Variants in PIK3C3 observed in about 807,000 individuals in gnomAD.
PIK3C3 encodes phosphatidylinositol 3-kinase catalytic subunit type 3, also known as PI3-kinase type 3.
A neutral mutation model predicts 126.1 loss-of-function variants in PIK3C3; 95 were observed. The ratio of observed to expected loss-of-function variants is 0.75; its 90% CI spans 0.64 to 0.89. PIK3C3 has a LOEUF of 0.89. Ranked by LOEUF, PIK3C3 falls within the 40% of genes least tolerant of loss-of-function variation. PIK3C3 has a pLI of 0.00. For synonymous variants in PIK3C3, 374 were observed against 360.0 expected (o/e 1.04, Z -0.44); for missense variants, 829 against 1,063.2 (o/e 0.78, Z 3.06).
rs759931756 is a variant in PIK3C3 at position 42,027,506 on chromosome 18, G to A, written c.1548G>A (p.Met516Ile). Residue 516 changes from methionine (M) to isoleucine (I), a missense_variant, in exon 14 of 25, where the codon ATG becomes ATA. Transcript: ENST00000262039. The stretch of plus-strand genomic sequence containing the variant: ...AGAGAGATCCAAAGACCCATGAGAT[G>A]TACTTGAACGTAATGAGAAGATTCA... ...TQQRDPKTHE[M>I]YLNVMRRFSQ... 3 of 1,611,974 alleles carry A rather than the reference G, an allele frequency of 1.9e-6. No individual in the cohort carries two copies. Among genetic ancestry groups the A allele is most frequent in the Non-Finnish European group, 1.7e-6 (2 of 1,178,364 alleles).
intron 9 of PIK3C3, among the ~76,000 whole-genome samples, chr18:42,002,151 C>T (rs969720900): frequency 3.9e-5 from 6 of 152,034 alleles, no homozygotes; most frequent in African/African-American, 9.7e-5. Flanking sequence ...TGAAAGTTGC[C>T]GAAAACTTCC....
Position 41,987,818 on chromosome 18 carries a change from A to C in PIK3C3, c.538A>C (p.Lys180Gln). 1.9e-6 allele frequency: 3 copies of C among 1,605,138 alleles called. No homozygotes were observed. The highest frequency in any genetic ancestry group is 2.6e-6 in the Non-Finnish European group (3 of 1,175,036). Reference sequence around the variant, plus strand: ...CATTGTATTTATTCTGCAGCTCACCAAAGCTCATCGACAAGGACACATGGT... The same window carrying C: ...CATTGTATTTATTCTGCAGCTCACCCAAGCTCATCGACAAGGACACATGGT... ...DQMSRLAKLT[K>Q]AHRQGHMVKV... is the part of the protein sequence containing the mutation. Residue 180 changes from lysine to glutamine, a missense_variant, in exon 5 of 25, where the codon AAA (lysine) becomes CAA (glutamine). Lys to Gln is a moderately conservative substitution (Grantham distance 53). Coordinates refer to ENST00000262039, the MANE Select transcript of PIK3C3 (RefSeq NM_002647.4).
chr18:42,045,402 G>GA (rs1984517005), intron 20 of PIK3C3, among the ~76,000 whole-genome samples: 1 of 151,660 alleles, frequency 6.6e-6, no homozygotes, highest in Non-Finnish European at 1.5e-5. Context: ...TCTGTGATCT[G>GA]AAAAAAAATT....
intron 24 of PIK3C3, among the ~76,000 whole-genome samples, chr18:42,068,740 G>A (rs1459753457): frequency 6.6e-6 from 1 of 152,070 alleles, no homozygotes; most frequent in African/African-American, 2.4e-5. Context: ...CACGAGATCA[G>A]GAGATCGAGA....
At chr18:42,025,983 A>G (rs1471725957) in intron 13 of PIK3C3, 1 of 152,232 alleles carries the variant, frequency 6.6e-6, no homozygotes, top group African/African-American at 2.4e-5. Flanking sequence ...GAATGGCTGA[A>G]TACAGAGTAT....
chr18:42,007,203 A>G (rs1982593719), intron 10 of PIK3C3, among the ~76,000 whole-genome samples: 1 of 152,186 alleles, frequency 6.6e-6, no homozygotes, highest in African/African-American at 2.4e-5. Context: ...TGCTTGCGTT[A>G]TAATTATTGA....
At chr18:42,014,995 T>A (rs1257137451) in intron 11 of PIK3C3, among the ~76,000 whole-genome samples, 1 of 152,196 alleles carries the variant, frequency 6.6e-6, no homozygotes, top group Non-Finnish European at 1.5e-5. Context: ...TAAGTAAAAG[T>A]CTATTCAGAA....
intron 22 of PIK3C3, 188 bp from the exon 23 acceptor site, chr18:42,064,552 C>T (rs573700338): frequency 8.5e-5 from 45 of 527,876 alleles, no homozygotes; most frequent in Middle Eastern, 5.2e-4. Context: ...TGGTGTTATA[C>T]GAAGACCCCA....
At chr18:42,036,789 T>A (rs907780399) in intron 16 of PIK3C3, among the ~76,000 whole-genome samples, 20 of 152,122 alleles carry the variant, frequency 1.3e-4, no homozygotes, top group African/African-American at 4.8e-4. Context: ...ATTTGAGTCT[T>A]AAAGCTGCAC....
At position 42,027,427 on chromosome 18, in the gene PIK3C3, T is replaced by C; in HGVS notation, c.1485-16T>C. Reference sequence around the variant, plus strand: ...TTTCATTTCACATCACATGAATGGCTCAAACTATTTTTAAGGTATGTGATA... The same window carrying C: ...TTTCATTTCACATCACATGAATGGCCCAAACTATTTTTAAGGTATGTGATA... On this transcript the variant is annotated splice_polypyrimidine_tract_variant and intron_variant, in intron 13 of 24. Coordinates refer to ENST00000262039, the MANE Select transcript of PIK3C3 (RefSeq NM_002647.4). The C allele has an allele frequency of 1.4e-6, 2 of 1,474,364 alleles. No homozygotes were observed. The highest frequency in any genetic ancestry group is 1.9e-6 in the Non-Finnish European group (2 of 1,061,808). The allele number at this position is 1,474,364 out of a possible 1,614,324, so 91.3% of individuals were successfully genotyped here. A position where few individuals can be genotyped will look rare whatever the true frequency, so the allele number is the denominator to read the frequency against.
chr18:42,067,552 C>T (rs369389586), intron 24 of PIK3C3, 39 bp downstream of exon 24: 17 of 1,609,752 alleles, frequency 1.1e-5, no homozygotes, highest in Middle Eastern at 1.7e-4. Context: ...CTCACCTTCT[C>T]CGTGTACTGC....
chr18:41,981,170 TA>T, intron 4 of PIK3C3, among the ~76,000 whole-genome samples: 1 of 152,212 alleles, frequency 6.6e-6, no homozygotes, highest in Admixed American at 6.5e-5. Flanking sequence ...AATTTATTTT[TA>T]ATGCTACCTT....
intron 4 of PIK3C3, among the ~76,000 whole-genome samples, chr18:41,986,184 A>C (rs978059978): frequency 1.3e-5 from 2 of 152,134 alleles, no homozygotes; most frequent in African/African-American, 4.8e-5. Flanking sequence ...AGTCATCTGC[A>C]AACTGGGGTC....
intron 12 of PIK3C3, among the ~76,000 whole-genome samples, chr18:42,019,667 C>T (rs1372139981): frequency 6.6e-6 from 1 of 152,008 alleles, no homozygotes; most frequent in Non-Finnish European, 1.5e-5. Context: ...ATACTCTTGT[C>T]CTAGGTTGTG....
In PIK3C3 at chr18:42,020,637, G is replaced by A; in HGVS notation, c.1417-1G>A. On this transcript the variant is annotated splice_acceptor_variant, in intron 12 of 24. Transcript: ENST00000262039. LOFTEE classifies it high-confidence loss of function. ...TAATACATTTCTTTTAATTCTTTCAGCAAGATCTCTGTACCTTCTTGATAT... is the reference window on the plus strand; with the variant it reads ...TAATACATTTCTTTTAATTCTTTCAACAAGATCTCTGTACCTTCTTGATAT... 1 of 1,588,938 alleles carries A rather than the reference G, an allele frequency of 6.3e-7. No homozygotes were observed. The highest frequency in any genetic ancestry group is 8.6e-7 in the Non-Finnish European group (1 of 1,161,776).
At chr18:42,037,846 G>A (rs780912654) in intron 17 of PIK3C3, 26 bp downstream of exon 17, 2 of 1,584,648 alleles carry the variant, frequency 1.3e-6, no homozygotes, top group Admixed American at 3.5e-5. Flanking sequence ...TGTTGGTGGG[G>A]AACATTTTTT....
In PIK3C3 at chr18:42,033,925, G is replaced by C; in HGVS notation, c.1807G>C (p.Gly603Arg). ...LPLEPQVKIR[G>R]IIPETATLFK... is the part of the protein sequence containing the mutation. ...TTTAGAACCCCAAGTGAAAATTAGAGGAATAATTCCGGAAACAGCTACACT... is the reference window on the plus strand; with the variant it reads ...TTTAGAACCCCAAGTGAAAATTAGACGAATAATTCCGGAAACAGCTACACT... The change falls in exon 16 of 25, where the codon GGA (glycine) becomes CGA (arginine). Residue 603 changes from glycine to arginine, a missense_variant. This residue lies in a region of PIK3C3 where 256 missense variants were observed against 291.0 expected (regional missense o/e 0.88). Transcript: ENST00000262039. 6.2e-7 allele frequency: 1 copy of C among 1,606,778 alleles called. No homozygotes were observed. The highest frequency in any genetic ancestry group is 8.5e-7 in the Non-Finnish European group (1 of 1,176,304).
intron 21 of PIK3C3, among the ~76,000 whole-genome samples, chr18:42,055,771 G>A (rs1985036365): frequency 6.6e-6 from 1 of 152,150 alleles, no homozygotes; most frequent in Non-Finnish European, 1.5e-5. Flanking sequence ...CAGTTTTGAT[G>A]TTGGACACGT....
chr18:41,969,585 G>A (rs1222330285), intron 3 of PIK3C3, among the ~76,000 whole-genome samples: 3 of 152,208 alleles, frequency 2.0e-5, no homozygotes, highest in Non-Finnish European at 4.4e-5. Flanking sequence ...ATAGACATGG[G>A]AAATGTTTTT....
Sources: gnomAD v4.1 joint callset for allele counts (sites outside exome capture counted in the v4.1 genomes callset) on GRCh38, gnomAD v4.1.1 for gene constraint, gnomAD v4.1.1 regional missense constraint, MANE v1.5 for transcripts, NCBI Gene and HGNC (gene_info 2026-07-23, HGNC 2026-07-21) for gene names.